ZC3H18: variants seen among roughly 807,000 people sequenced by gnomAD.
The protein encoded by ZC3H18 is zinc finger CCCH domain-containing protein 18.
A neutral mutation model predicts 106.1 loss-of-function variants in ZC3H18; 8 were observed. That is an observed-to-expected ratio of 0.08 (90% CI 0.04 to 0.14). The LOEUF is 0.14. ZC3H18 is among the 10% of genes least tolerant of loss of function. The probability of loss-of-function intolerance (pLI) is 1.00; values close to 1 mark genes in which losing one functional copy is unlikely to be tolerated. For synonymous variants in ZC3H18, 635 were observed against 522.1 expected, an observed-to-expected ratio of 1.22 and a Z score of -2.95; for missense variants, 1,318 against 1,278.4, an observed-to-expected ratio of 1.03 and a Z score of -0.47.
At chr16:88,608,478 C>CT (rs1384712987) in intron 6 of ZC3H18, 3 of 152,762 alleles carry the variant, frequency 2.0e-5, no homozygotes, top group African/African-American at 7.2e-5. Context: ...ATTCTCCTGC[C>CT]TCAGCCTCCT....
intron 6 of ZC3H18, among the ~76,000 whole-genome samples, chr16:88,603,279 T>C (rs991532269): frequency 1.3e-5 from 2 of 151,366 alleles, no homozygotes; most frequent in African/African-American, 4.8e-5. Context: ...TTTTTCTTTA[T>C]ATCTCTTTTG....
chr16:88,602,964 C>A (rs1328966341), intron 6 of ZC3H18, among the ~76,000 whole-genome samples: 1 of 151,848 alleles, frequency 6.6e-6, no homozygotes. Context: ...AATTGTTGTT[C>A]CTTCTTTTTT....
chr16:88,623,323 C>G lies in ZC3H18; in HGVS notation c.1772C>G (p.Ser591Trp). 6.2e-7 allele frequency: 1 copy of G among 1,613,700 alleles called. No individual in the cohort carries two copies. Residue 591 changes from serine to tryptophan, a missense_variant, in exon 10 of 18, where the codon TCG becomes TGG. Ser to Trp is a radical substitution (Grantham distance 177). Transcript: ENST00000301011. ...TCCAGCCGCTCTTCCAGACACAGCT[C>G]GTTCTCAGGAAGCCGGTCCAGGTAT... ...SYSSRSSRHSSFSGSRSRSRS... is the reference protein window; with the variant it reads ...SYSSRSSRHSWFSGSRSRSRS...
intron 3 of ZC3H18, among the ~76,000 whole-genome samples, chr16:88,588,754 T>G (rs981847680): frequency 1.3e-5 from 2 of 151,958 alleles, no homozygotes; most frequent in Non-Finnish European, 2.9e-5. Flanking sequence ...GTGGCACGCA[T>G]GTGTAGTCCC....
intron 1 of ZC3H18, 104 bp from the exon 2 acceptor site, chr16:88,577,001 TGTGGG>T: frequency 1.7e-6 from 2 of 1,173,966 alleles, no homozygotes; most frequent in South Asian, 1.6e-5. Flanking sequence ...GGCAGGGCCG[TGTGGG>T]ACCAAGCAGG....
At chr16:88,574,402 T>C (rs893410150) in intron 1 of ZC3H18, among the ~76,000 whole-genome samples, 1 of 151,652 alleles carries the variant, frequency 6.6e-6, no homozygotes. Context: ...AGAGACCGGG[T>C]TTCACCATGT....
rs920673892 is a variant in ZC3H18, at chr16:88,611,525, G to A, written c.1464G>A (p.Pro488=). Residue 488 remains proline (P), a synonymous_variant, in exon 8 of 18, where the codon CCG becomes CCA. Coordinates refer to ENST00000301011, the MANE Select transcript of ZC3H18 (RefSeq NM_144604.4). ...AGGGGAAGCCCAAGCCCCGCTCCCCGCAGCCGCCAAGGTAGACCCTGCTTC... is the reference window on the plus strand; with the variant it reads ...AGGGGAAGCCCAAGCCCCGCTCCCCACAGCCGCCAAGGTAGACCCTGCTTC... ...KEKGKPKPRS[P]QPPSRQAEPP... 2.9e-5 allele frequency: 45 copies of A among 1,549,732 alleles called. No individual in the cohort carries two copies. The highest frequency in any genetic ancestry group is 3.6e-5 in the Non-Finnish European group (41 of 1,146,630).
At chr16:88,587,577 A>C in intron 3 of ZC3H18, 1 of 1,536,080 alleles carries the variant, frequency 6.5e-7, no homozygotes. Flanking sequence ...TCTTCCACCA[A>C]TATCCAATTC....
At chr16:88,611,097 C>CAG (rs1041496229) in intron 7 of ZC3H18, among the ~76,000 whole-genome samples, 171 bp from the exon 8 acceptor site, 2 of 152,200 alleles carry the variant, frequency 1.3e-5, no homozygotes, top group South Asian at 4.1e-4. Context: ...TACTCCACCG[C>CAG]AGAGAGTTCA....
intron 2 of ZC3H18, among the ~76,000 whole-genome samples, chr16:88,585,736 G>A (rs754730619): frequency 6.6e-6 from 1 of 152,160 alleles, no homozygotes; most frequent in Non-Finnish European, 1.5e-5. Flanking sequence ...CAGTTAGAAA[G>A]TGGTTTTACC....
rs1421988831 is a variant in ZC3H18 at position 88,609,109 on chromosome 16, C to T, written c.1206+58C>T. The T allele has an allele frequency of 3.5e-6, 5 of 1,416,382 alleles. No individual in the cohort carries two copies. In the South Asian group the frequency reaches 3.7e-5, roughly 11 times the overall value. 87.7% of individuals were successfully genotyped at this position (1,416,382 alleles called of 1,614,324 possible). ...TCATGATCTGTTCATTCAAGTTATC[C>T]CTTTTTATTTACAGTAAAAAATACA... On this transcript the variant is annotated intron_variant, in intron 7 of 17. Transcript: ENST00000301011.
At chr16:88,596,422 A>C (rs1285177425) in intron 3 of ZC3H18, among the ~76,000 whole-genome samples, 5 of 152,108 alleles carry the variant, frequency 3.3e-5, no homozygotes, top group Non-Finnish European at 7.4e-5. Flanking sequence ...CTGGCAGATC[A>C]CAAGGTCAGG....
chr16:88,611,241 C>G (rs1905253800), intron 7 of ZC3H18, 27 bp from the exon 8 acceptor site: 1 of 756,602 alleles, frequency 1.3e-6, no homozygotes, highest in African/African-American at 1.7e-5. Context: ...CGCACGGTGT[C>G]CCCATGTGTT....
chr16:88,577,819 C>G (rs1914860480), intron 2 of ZC3H18, 93 bp downstream of exon 2: 11 of 1,592,096 alleles, frequency 6.9e-6, no homozygotes, highest in Non-Finnish European at 8.5e-6. Context: ...GTGGGACTGA[C>G]TTAGTGATTT....
intron 15 of ZC3H18, among the ~76,000 whole-genome samples, chr16:88,628,342 C>G (rs1229811002): frequency 6.6e-6 from 1 of 152,178 alleles, no homozygotes; most frequent in Non-Finnish European, 1.5e-5. Context: ...TCTCTCTGAA[C>G]AGAGAGGGCG....
At chr16:88,630,105 T>C (rs1312777083) in intron 16 of ZC3H18, 1 of 182,886 alleles carries the variant, frequency 5.5e-6, no homozygotes, top group African/African-American at 2.4e-5. Context: ...CCTCCTAACA[T>C]TGCCAGAGTG....
Position 88,620,620 on chromosome 16 carries a change from A to G in ZC3H18, c.1476-1577A>G, listed in dbSNP as rs141410986. On this transcript the variant is annotated intron_variant, in intron 8 of 17. Transcript: ENST00000301011. ...AAAAAAGCCACGTTCTGCTTATACA[A>G]TTGCCAGGATTTTGGGTTAGTTTGT... 2.7e-3 allele frequency among the ~76,000 whole-genome samples: 407 copies of G among 151,762 alleles called. 2 individuals are homozygous for G. The highest frequency in any genetic ancestry group is 9.1e-3 in the African/African-American group (377 of 41,344).
chr16:88,622,609 C>T (rs1462453481), intron 9 of ZC3H18: 7 of 547,020 alleles, frequency 1.3e-5, no homozygotes, highest in Non-Finnish European at 3.2e-6. Context: ...GGGGCACAGA[C>T]CCCGGCGACT....
chr16:88,586,551 C>A, intron 2 of ZC3H18, 49 bp from the exon 3 acceptor site: 2 of 1,492,466 alleles, frequency 1.3e-6, no homozygotes, highest in Non-Finnish European at 1.9e-6. Context: ...GAAAGCAGTG[C>A]TGATTGATAG....
Sources: gnomAD v4.1 joint callset for allele counts (sites outside exome capture counted in the v4.1 genomes callset) on GRCh38, gnomAD v4.1.1 for gene constraint, MANE v1.5 for transcripts, NCBI Gene and HGNC (gene_info 2026-07-23, HGNC 2026-07-21) for gene names.